CDH13: variants seen among roughly 807,000 people sequenced by gnomAD.
The protein encoded by CDH13 is cadherin-13.
CDH13 carries 24 observed loss-of-function variants against 63.8 expected under a neutral mutation model. That is an observed-to-expected ratio of 0.38 (90% CI 0.27 to 0.53). The LOEUF is 0.53. Ranked by LOEUF, CDH13 falls within the 20% of genes least tolerant of loss-of-function variation. CDH13 has a pLI of 0.85. For synonymous variants in CDH13, 503 were observed against 355.3 expected (o/e 1.42, Z -4.67); for missense variants, 1,049 against 903.1 (o/e 1.16, Z -2.07).
chr16:82,641,829 A>C (rs2150888801), intron 1 of CDH13, among the ~76,000 whole-genome samples: 1 of 152,304 alleles, frequency 6.6e-6, no homozygotes, highest in East Asian at 1.9e-4. Flanking sequence ...GAGCTTATGT[A>C]CTGGCTGGGA....
At chr16:82,928,118 T>C (rs550722259) in intron 2 of CDH13, among the ~76,000 whole-genome samples, 183 of 152,118 alleles carry the variant, frequency 1.2e-3, no homozygotes, top group African/African-American at 4.3e-3. Context: ...ATTTGTACTA[T>C]TTGGTCATTT....
At chr16:83,757,108 A>G (rs1231943358) in intron 11 of CDH13, among the ~76,000 whole-genome samples, 1 of 152,230 alleles carries the variant, frequency 6.6e-6, no homozygotes, top group Non-Finnish European at 1.5e-5. Flanking sequence ...ACTAAGCATT[A>G]GTAGCAAAAT....
intron 10 of CDH13, among the ~76,000 whole-genome samples, chr16:83,741,895 G>C (rs1027149701): frequency 1.3e-5 from 2 of 152,060 alleles, no homozygotes; most frequent in Non-Finnish European, 2.9e-5. Flanking sequence ...GGATCTAGGC[G>C]GCACACTCCT....
intron 2 of CDH13, among the ~76,000 whole-genome samples, chr16:83,010,198 T>C (rs1914003276): frequency 6.9e-6 from 1 of 144,892 alleles, no homozygotes; most frequent in Admixed American, 7.1e-5. Context: ...AAATCTGCAT[T>C]TCTAACAAGC....
At chr16:83,094,116 A>T (rs561794985) in intron 3 of CDH13, among the ~76,000 whole-genome samples, 29 of 152,214 alleles carry the variant, frequency 1.9e-4, no homozygotes, top group Non-Finnish European at 3.4e-4. Flanking sequence ...TGTTGTAACA[A>T]ATAGTTACAA....
chr16:82,741,213 G>C (rs867206366), intron 1 of CDH13, among the ~76,000 whole-genome samples: 21 of 152,276 alleles, frequency 1.4e-4, no homozygotes, highest in Non-Finnish European at 1.3e-4. Context: ...CCCTCGGCTA[G>C]CTTTACAATA....
At chr16:82,911,429 T>C (rs2041825968) in intron 2 of CDH13, among the ~76,000 whole-genome samples, 1 of 152,136 alleles carries the variant, frequency 6.6e-6, no homozygotes, top group Non-Finnish European at 1.5e-5. Flanking sequence ...TTTCCCTGTT[T>C]AGGAAAAAGT....
chr16:83,725,703 T>C (rs987123716), intron 10 of CDH13: 2 of 152,242 alleles, frequency 1.3e-5, no homozygotes, highest in Admixed American at 1.3e-4. Flanking sequence ...TAATGACTAA[T>C]TTCTAATGAG....
chr16:83,183,814 T>C (rs2038424367), intron 4 of CDH13, among the ~76,000 whole-genome samples: 1 of 152,160 alleles, frequency 6.6e-6, no homozygotes, highest in Non-Finnish European at 1.5e-5. Context: ...CAAAAGTTTT[T>C]TGATGTTCAA....
At position 83,797,386 on chromosome 16, in the gene CDH13, C is replaced by G. The variant is rs972438347; in HGVS notation, c.*2356C>G. On this transcript the variant is annotated 3_prime_UTR_variant, in exon 14 of 14. Transcript: ENST00000567109. ...CAGAAGATTAACTTCGCTGAAAATT[C>G]AGAAAAATAGGAGTAAAGTGCACAC... 6.6e-6 allele frequency: 1 copy of G among 152,178 alleles called. No individual in the cohort carries two copies. The highest frequency in any genetic ancestry group is 2.4e-5 in the African/African-American group (1 of 41,450). 9.4% of individuals were successfully genotyped at this position (152,178 alleles called of 1,614,324 possible). A position where few individuals can be genotyped will look rare whatever the true frequency, so the allele number is the denominator to read the frequency against.
rs927158954 is a variant in CDH13, at chr16:83,799,932, A to G, written c.*4902A>G. 6.9e-6 allele frequency: 1 copy of G among 143,990 alleles called. No individual in the cohort carries two copies. Among genetic ancestry groups the G allele is most frequent in the Non-Finnish European group, 1.6e-5 (1 of 64,246 alleles). 8.9% of individuals were successfully genotyped at this position (143,990 alleles called of 1,614,324 possible). ...TGTGTGTATGAGGGTTTCAGATAAG[A>G]ACTTCAATTATATAATTTAAGAAGA... On this transcript the variant is annotated 3_prime_UTR_variant, in exon 14 of 14. Coordinates refer to ENST00000567109, the MANE Select transcript of CDH13 (RefSeq NM_001257.5).
At chr16:83,668,738 C>G (rs530815099) in intron 8 of CDH13, among the ~76,000 whole-genome samples, 1 of 152,210 alleles carries the variant, frequency 6.6e-6, no homozygotes, top group African/African-American at 2.4e-5. Flanking sequence ...CACTAAACGA[C>G]TTTGGGCAGC....
chr16:83,606,364 G>A (rs1270253683), intron 8 of CDH13, among the ~76,000 whole-genome samples: 1 of 152,134 alleles, frequency 6.6e-6, no homozygotes, highest in East Asian at 1.9e-4. Context: ...TATAAAAGAG[G>A]AGTTATGATT....
chr16:83,254,957 TTCTTTCTTTC>T lies in CDH13; in HGVS notation c.636+37462_636+37471del, dbSNP rs1906049341. Among the ~76,000 whole-genome samples, 3 of 3,608 alleles carry T rather than the reference TTCTTTCTTTC, an allele frequency of 8.3e-4. No individual in the cohort carries two copies. In the South Asian group the frequency reaches 0.075, roughly 90 times the overall value. 2.4% of individuals were successfully genotyped at this position (3,608 alleles called of 152,430 possible). The stretch of plus-strand genomic sequence containing the variant: ...TTGGATTTTTTCTTTTTCTCTTTCT[TTCTTTCTTTC>T]TTTCTTTCTTTCTTTCTTTCTTTCT... On this transcript the variant is annotated intron_variant, in intron 5 of 13. Coordinates refer to ENST00000567109, the MANE Select transcript of CDH13 (RefSeq NM_001257.5).
chr16:82,942,219 G>C (rs1037710846), intron 2 of CDH13, among the ~76,000 whole-genome samples: 1 of 152,092 alleles, frequency 6.6e-6, no homozygotes. Context: ...TATGGTGTGA[G>C]GTAGAGGTCA....
intron 10 of CDH13, among the ~76,000 whole-genome samples, chr16:83,709,369 C>A (rs551715510): frequency 1.6e-4 from 25 of 152,212 alleles, no homozygotes; most frequent in Non-Finnish European, 2.6e-4. Context: ...ACTTTCTCTT[C>A]CAATCTATGA....
At chr16:82,894,036 G>A (rs967528033) in intron 2 of CDH13, among the ~76,000 whole-genome samples, 46 of 152,220 alleles carry the variant, frequency 3.0e-4, no homozygotes, top group African/African-American at 9.9e-4. Context: ...CTTAACAGAC[G>A]TTTACTGGAT....
intron 1 of CDH13, among the ~76,000 whole-genome samples, chr16:82,694,026 C>G (rs2029956949): frequency 6.6e-6 from 1 of 152,156 alleles, no homozygotes; most frequent in Non-Finnish European, 1.5e-5. Flanking sequence ...ACTTCAATGT[C>G]CACATCTGGA....
At chr16:83,097,032 G>T (rs1215185011) in intron 3 of CDH13, among the ~76,000 whole-genome samples, 1 of 152,122 alleles carries the variant, frequency 6.6e-6, no homozygotes, top group East Asian at 1.9e-4. Context: ...TATTGATAGA[G>T]ACTCAAAGCA....
Sources: allele counts gnomAD v4.1 joint callset (sites outside exome capture counted in the v4.1 genomes callset), GRCh38; gene constraint gnomAD v4.1.1; transcripts MANE v1.5; gene names NCBI Gene and HGNC (gene_info 2026-07-23, HGNC 2026-07-21).